H2BC18: variants seen among roughly 807,000 people sequenced by gnomAD.
The protein encoded by H2BC18 is H2B clustered histone 18, also known as histone H2B type 2-F.
Under a neutral mutation model 6.3 loss-of-function variants are expected in H2BC18, and 8 were observed. The ratio of observed to expected loss-of-function variants is 1.28; its 90% confidence interval spans 0.75 to 2.31. The LOEUF (loss-of-function observed/expected upper bound fraction) is 2.31. H2BC18 is among the 30% of genes most tolerant of loss of function. The probability of loss-of-function intolerance (pLI) is 0.00; values close to 1 mark genes in which losing one functional copy is unlikely to be tolerated. For missense variants in H2BC18, 106 were observed against 174.5 expected, an observed-to-expected ratio of 0.61 and a Z score of 2.21; for synonymous variants, 104 against 78.1, an observed-to-expected ratio of 1.33 and a Z score of -1.75.
chr1:149,790,339 G>C (rs2091673060), intron 1 of H2BC18: 1 of 1,586,878 alleles, frequency 6.3e-7, no homozygotes, highest in Non-Finnish European at 8.6e-7. Context: ...CAAGTGCTTG[G>C]TGAGTGAGAA....
chr1:149,791,507 G>A (rs782489862), intron 1 of H2BC18: 3 of 1,610,092 alleles, frequency 1.9e-6, no homozygotes, highest in Non-Finnish European at 2.5e-6. Flanking sequence ...GAGCCCCAGG[G>A]GGCCACGTAG....
intron 1 of H2BC18, chr1:149,787,368 T>C (rs1162468901): frequency 6.6e-6 from 1 of 152,174 alleles, no homozygotes; most frequent in South Asian, 2.1e-4. Flanking sequence ...AAAAGAAAAG[T>C]AGTTGAAGCA....
At position 149,812,247 on chromosome 1, in the gene H2BC18, T is replaced by C. The variant is rs782213167; in HGVS notation, c.77A>G (p.Asp26Gly). ...GCGGCTGCGCTTGCGCTTCTTGCCGTCCTTCTTCTGCACTTTCGTAACAGC... is the reference window on the plus strand; with the variant it reads ...GCGGCTGCGCTTGCGCTTCTTGCCGCCCTTCTTCTGCACTTTCGTAACAGC... ...KKAVTKVQKK[D>G]GKKRKRSRKE... is the part of the protein sequence containing the mutation. The change falls in exon 1 of 1, where the codon GAC becomes GGC. Residue 26 changes from aspartate (D) to glycine (G), a missense_variant. By Grantham distance (94) the Asp-to-Gly change is moderately conservative. This residue lies in a region of H2BC18 where 70 missense variants were observed against 64.6 expected (regional missense o/e 1.08). Coordinates refer to ENST00000369167, the MANE Select transcript of H2BC18 (RefSeq NM_001024599.5). The C allele has an allele frequency of 1.2e-6, 2 of 1,614,266 alleles. No homozygotes were observed. The highest frequency in any genetic ancestry group is 1.1e-5 in the South Asian group (1 of 91,092).
chr1:149,811,859 A>G (rs2091978729), downstream of H2BC18: 24 of 1,259,706 alleles, frequency 1.9e-5, no homozygotes, highest in Admixed American at 4.1e-5. Context: ...ACAAGTGTTT[A>G]CAGCTGCTTT....
chr1:149,794,071 G>A, intron 1 of H2BC18: 4 of 532,020 alleles, frequency 7.5e-6, no homozygotes, highest in Non-Finnish European at 1.0e-5. Context: ...GGCTTAGTTG[G>A]AGACAGATTC....
At chr1:149,788,226 A>G in intron 1 of H2BC18, 2 of 1,577,312 alleles carry the variant, frequency 1.3e-6, no homozygotes, top group Non-Finnish European at 1.7e-6. Flanking sequence ...TATTTGAGGA[A>G]CTGGATATAG....
intron 1 of H2BC18, chr1:149,784,253 C>T (rs1205519194): frequency 6.2e-7 from 1 of 1,611,060 alleles, no homozygotes; most frequent in Admixed American, 1.7e-5. Flanking sequence ...TGGAAATCCA[C>T]AGAGGTAATT....
intron 1 of H2BC18, among the ~76,000 whole-genome samples, chr1:149,804,949 G>C: frequency 6.6e-6 from 1 of 151,900 alleles, no homozygotes; most frequent in Non-Finnish European, 1.5e-5. Flanking sequence ...CAGAATATCT[G>C]TTGTTGATAT....
At chr1:149,807,515 G>A (rs1292482634), downstream of H2BC18, among the ~76,000 whole-genome samples, 2 of 73,358 alleles carry the variant, frequency 2.7e-5, no homozygotes, top group African/African-American at 1.1e-4. Flanking sequence ...GCATGGCGGG[G>A]GGGGGGGGGG....
At chr1:149,808,067 A>C (rs1291030265), downstream of H2BC18, among the ~76,000 whole-genome samples, 2 of 152,074 alleles carry the variant, frequency 1.3e-5, no homozygotes, top group Non-Finnish European at 2.9e-5. Context: ...ATTTTAAAGT[A>C]AATGGAAATG....
intron 1 of H2BC18, among the ~76,000 whole-genome samples, chr1:149,800,806 CCAGACA>C (rs1553753247): frequency 6.6e-6 from 1 of 151,450 alleles, no homozygotes; most frequent in Non-Finnish European, 1.5e-5. Flanking sequence ...CAGTCACCAG[CCAGACA>C]TGGTGGTTCA....
chr1:149,811,695 G>A (rs2091976283), downstream of H2BC18: 7 of 615,662 alleles, frequency 1.1e-5, no homozygotes, highest in East Asian at 3.0e-5. Flanking sequence ...TTCGAATCTC[G>A]TAGCACAGAT....
At chr1:149,789,962 C>T in intron 1 of H2BC18, 13 of 1,610,252 alleles carry the variant, frequency 8.1e-6, no homozygotes, top group Non-Finnish European at 1.1e-5. Context: ...TTTCTAGGGC[C>T]AGGTTTCCCA....
chr1:149,795,275 TAAATAAATA>T (rs2091787579), intron 1 of H2BC18, among the ~76,000 whole-genome samples: 1 of 141,844 alleles, frequency 7.1e-6, no homozygotes, highest in Non-Finnish European at 1.5e-5. Flanking sequence ...AATAAATAAA[TAAATAAATA>T]AATAAATAAA....
chr1:149,784,908 A>T (rs1553750658), intron 1 of H2BC18, among the ~76,000 whole-genome samples: 2 of 151,864 alleles, frequency 1.3e-5, no homozygotes, highest in African/African-American at 4.8e-5. Context: ...AATTTATAAG[A>T]TGTTTCCACT....
chr1:149,802,396 T>C (rs1348207074), intron 1 of H2BC18, among the ~76,000 whole-genome samples: 3 of 152,148 alleles, frequency 2.0e-5, no homozygotes, highest in African/African-American at 7.2e-5. Context: ...CTACATATAA[T>C]ATGGGTCTTA....
Position 149,811,936 on chromosome 1 carries a change from C to G in H2BC18, c.*7G>C. 1 of 1,610,054 alleles carries G rather than the reference C, an allele frequency of 6.2e-7. No individual in the cohort carries two copies. Among genetic ancestry groups the G allele is most frequent in the Non-Finnish European group, 8.5e-7 (1 of 1,176,820 alleles). On this transcript the variant is annotated 3_prime_UTR_variant, in exon 1 of 1. Coordinates refer to ENST00000369167, the MANE Select transcript of H2BC18 (RefSeq NM_001024599.5). The stretch of plus-strand genomic sequence containing the variant: ...GGTGGTTGATCTATTGCGTCCCTTG[C>G]ACACTCTTACTTCGAGCTGGTGTAC...
At position 149,806,645 on chromosome 1, in the gene H2BC18, A is replaced by AAGG. The variant is rs199702048; in HGVS notation, c.377+5299_377+5301dup. On this transcript the variant is annotated intron_variant, in intron 1 of 1. Transcript: ENST00000545683. ...GGAATACCAAGAAGTGAGGAAAGAAAAGGAGGGGAGCTTGTTATCTTACCT... is the reference window on the plus strand; with the variant it reads ...GGAATACCAAGAAGTGAGGAAAGAAAAGGAGGAGGGGAGCTTGTTATCTTACCT... Among the ~76,000 whole-genome samples, 721 of 152,322 alleles carry AAGG rather than the reference A, an allele frequency of 4.7e-3. 43 individuals are homozygous for AAGG. The East Asian group carries it at 0.12, about 26-fold the overall frequency.
chr1:149,793,568 G>T (rs587714079), intron 1 of H2BC18, among the ~76,000 whole-genome samples: 1 of 152,096 alleles, frequency 6.6e-6, no homozygotes, highest in East Asian at 1.9e-4. Flanking sequence ...TGGTGGGGTG[G>T]AGGAATCTTT....
Sources: gnomAD v4.1 joint callset for allele counts (sites outside exome capture counted in the v4.1 genomes callset) on GRCh38, gnomAD v4.1.1 for gene constraint, gnomAD v4.1.1 regional missense constraint, MANE v1.5 for transcripts, NCBI Gene and HGNC (gene_info 2026-07-23, HGNC 2026-07-21) for gene names.